Variants in FBXO4 observed in about 807,000 individuals in gnomAD.
FBXO4 encodes the protein F-box only protein 4.
Under a neutral mutation model 43.7 loss-of-function variants are expected in FBXO4, and 36 were observed. The ratio of observed to expected loss-of-function variants is 0.82; its 90% CI spans 0.63 to 1.09. The LOEUF (loss-of-function observed/expected upper bound fraction) is 1.09, where lower values mean the gene tolerates loss of function less well. Among genes scored for constraint, FBXO4 ranks in the 50% least tolerant of loss-of-function variants. The pLI is 0.00. For synonymous variants in FBXO4, 180 were observed against 165.6 expected (o/e 1.09, Z -0.67); for missense variants, 435 against 474.1 (o/e 0.92, Z 0.77).
At chr5:42,027,612 G>T in the FBXO4 span, among the ~76,000 whole-genome samples, 2 of 151,258 alleles carry the variant, frequency 1.3e-5, no homozygotes. Flanking sequence ...TGCTTTTCTA[G>T]TTCTTTAACA....
chr5:42,032,333 A>G, the FBXO4 span, among the ~76,000 whole-genome samples: 1 of 152,036 alleles, frequency 6.6e-6, no homozygotes, highest in Admixed American at 6.6e-5. Flanking sequence ...GAGTTCCCCC[A>G]GGTCTTGGGT....
chr5:42,039,990 A>G, the FBXO4 span, among the ~76,000 whole-genome samples: 2 of 152,074 alleles, frequency 1.3e-5, no homozygotes, highest in African/African-American at 2.4e-5. Context: ...GGAAGAGGAA[A>G]CTGAGCCTCA....
the FBXO4 span, among the ~76,000 whole-genome samples, chr5:41,971,696 C>A: frequency 2.0e-4 from 30 of 151,978 alleles, no homozygotes; most frequent in African/African-American, 7.2e-4. Flanking sequence ...TCTATTCTAG[C>A]ATTTTATAGT....
chr5:42,032,003 C>T, the FBXO4 span, among the ~76,000 whole-genome samples: 1 of 151,822 alleles, frequency 6.6e-6, no homozygotes, highest in Non-Finnish European at 1.5e-5. Flanking sequence ...GTTCTCTTCC[C>T]TTACTTTCTC....
At chr5:41,995,729 G>T in the FBXO4 span, among the ~76,000 whole-genome samples, 1 of 152,168 alleles carries the variant, frequency 6.6e-6, no homozygotes, top group Non-Finnish European at 1.5e-5. Context: ...ACTCAGAGAG[G>T]TCTATCCACA....
the FBXO4 span, among the ~76,000 whole-genome samples, chr5:42,036,217 T>A: frequency 2.0e-5 from 3 of 151,746 alleles, no homozygotes. Context: ...ATAATCAAAT[T>A]CTTCTCTTCA....
intron 5 of FBXO4, chr5:41,934,744 G>A: frequency 9.8e-7 from 1 of 1,023,192 alleles, no homozygotes; most frequent in Non-Finnish European, 1.2e-6. Flanking sequence ...TTTTATCTTT[G>A]TTTTATCCAA....
the FBXO4 span, among the ~76,000 whole-genome samples, chr5:41,953,197 C>T: frequency 2.0e-5 from 3 of 150,788 alleles, no homozygotes; most frequent in South Asian, 4.2e-4. Flanking sequence ...CTTCCTGTGT[C>T]CATGTGTTCT....
the FBXO4 span, among the ~76,000 whole-genome samples, chr5:41,972,660 C>T: frequency 4.6e-5 from 7 of 152,116 alleles, no homozygotes; most frequent in African/African-American, 1.7e-4. Flanking sequence ...CATCACATTA[C>T]CCAACTTCAA....
the FBXO4 span, among the ~76,000 whole-genome samples, chr5:41,975,888 C>T: frequency 6.6e-6 from 1 of 152,108 alleles, no homozygotes; most frequent in African/African-American, 2.4e-5. Context: ...GTTCTGTAGG[C>T]TGTATGAGAA....
the FBXO4 span, among the ~76,000 whole-genome samples, chr5:42,012,895 G>A: frequency 3.9e-5 from 6 of 152,170 alleles, no homozygotes; most frequent in Non-Finnish European, 7.3e-5. Flanking sequence ...ACTCAGTAAC[G>A]TTAGGTAGCA....
At chr5:42,001,101 T>G in the FBXO4 span, among the ~76,000 whole-genome samples, 1 of 152,332 alleles carries the variant, frequency 6.6e-6, no homozygotes, top group Admixed American at 6.5e-5. Context: ...ATTTTTGTGT[T>G]TCTGTAAACA....
the FBXO4 span, among the ~76,000 whole-genome samples, chr5:42,008,987 G>A: frequency 6.6e-6 from 1 of 152,082 alleles, no homozygotes; most frequent in African/African-American, 2.4e-5. Flanking sequence ...ACCATTGAAA[G>A]GGAGATTATT....
chr5:41,946,602 C>G (rs1279873337), downstream of FBXO4, among the ~76,000 whole-genome samples: 1 of 152,134 alleles, frequency 6.6e-6, no homozygotes, highest in Non-Finnish European at 1.5e-5. Context: ...CAAGCTTAAA[C>G]AATTTTACAT....
the FBXO4 span, among the ~76,000 whole-genome samples, chr5:41,948,533 A>G: frequency 1.3e-5 from 2 of 152,338 alleles, no homozygotes; most frequent in Admixed American, 1.3e-4. Flanking sequence ...TACTTTACAT[A>G]TAACGAATGA....
At chr5:42,034,582 G>T in the FBXO4 span, among the ~76,000 whole-genome samples, 5 of 152,092 alleles carry the variant, frequency 3.3e-5, no homozygotes, top group East Asian at 9.6e-4. Flanking sequence ...TTCTGCATAT[G>T]GCTAGATTGT....
At chr5:42,026,847 A>G in the FBXO4 span, among the ~76,000 whole-genome samples, 2 of 151,956 alleles carry the variant, frequency 1.3e-5, no homozygotes, top group African/African-American at 2.4e-5. Flanking sequence ...GATATATTAC[A>G]CTGATTGACT....
chr5:41,954,838 A>T, the FBXO4 span, among the ~76,000 whole-genome samples: 2 of 152,228 alleles, frequency 1.3e-5, no homozygotes, highest in Non-Finnish European at 2.9e-5. Context: ...CTGCTGAAAG[A>T]TAAAACATAG....
At chr5:41,987,477 A>G in the FBXO4 span, among the ~76,000 whole-genome samples, 1 of 152,182 alleles carries the variant, frequency 6.6e-6, no homozygotes, top group African/African-American at 2.4e-5. Flanking sequence ...GCACTGAAAT[A>G]CCTTAGAAAT....
Sources: allele counts gnomAD v4.1 joint callset (sites outside exome capture counted in the v4.1 genomes callset), GRCh38; gene constraint gnomAD v4.1.1; transcripts MANE v1.5; gene names NCBI Gene and HGNC (gene_info 2026-07-23, HGNC 2026-07-21).